MGMT: variants seen among roughly 807,000 people sequenced by gnomAD.
MGMT encodes the protein O-6-methylguanine-DNA methyltransferase.
In MGMT, 14 loss-of-function variants were observed where a neutral mutation model predicts 15.9. That is an observed-to-expected ratio of 0.88 (90% CI 0.58 to 1.37). The LOEUF (loss-of-function observed/expected upper bound fraction) is 1.37, where lower values mean the gene tolerates loss of function less well. Among genes scored for constraint, MGMT ranks in the 40% most tolerant of loss-of-function variants. The pLI, the probability that MGMT is intolerant of heterozygous loss-of-function variation, is 0.00. For synonymous variants in MGMT, 130 were observed against 118.2 expected (o/e 1.10, Z -0.65); for missense variants, 282 against 268.1 (o/e 1.05, Z -0.36).
chr10:129,517,049 G>A (rs111375520), intron 1 of MGMT, among the ~76,000 whole-genome samples: 8 of 152,208 alleles, frequency 5.3e-5, no homozygotes, highest in East Asian at 1.9e-4. Context: ...AGCTGTCTGC[G>A]CATCCGTCCC....
chr10:129,485,497 G>A (rs992382301), intron 1 of MGMT, among the ~76,000 whole-genome samples: 1 of 152,138 alleles, frequency 6.6e-6, no homozygotes, highest in Non-Finnish European at 1.5e-5. Context: ...TAAAAGTTGA[G>A]CACCCCTAAT....
chr10:129,671,175 T>C (rs914734999), intron 2 of MGMT, among the ~76,000 whole-genome samples: 2 of 152,234 alleles, frequency 1.3e-5, no homozygotes, highest in Admixed American at 6.5e-5. Flanking sequence ...AAATACATTA[T>C]GTTTGGAAAG....
chr10:129,479,674 A>C (rs1037561645), intron 1 of MGMT, among the ~76,000 whole-genome samples: 2 of 152,124 alleles, frequency 1.3e-5, no homozygotes, highest in Non-Finnish European at 2.9e-5. Flanking sequence ...AGGGCAGACA[A>C]GAACCCTCAT....
At chr10:129,517,934 G>A (rs1202921355) in intron 1 of MGMT, among the ~76,000 whole-genome samples, 2 of 152,296 alleles carry the variant, frequency 1.3e-5, no homozygotes, top group Admixed American at 6.5e-5. Flanking sequence ...TTTGTCACCC[G>A]CAGTGAGAAT....
intron 3 of MGMT, among the ~76,000 whole-genome samples, chr10:129,709,090 C>T (rs2083739469): frequency 6.6e-6 from 1 of 152,212 alleles, no homozygotes; most frequent in East Asian, 1.9e-4. Flanking sequence ...GAACCAGGCA[C>T]CTTGCTGTCC....
At chr10:129,732,912 A>G (rs1411722606) in intron 3 of MGMT, among the ~76,000 whole-genome samples, 1 of 148,532 alleles carries the variant, frequency 6.7e-6, no homozygotes, top group African/African-American at 2.5e-5. Flanking sequence ...GCTGCATAGT[A>G]TTCCATGGTG....
At chr10:129,499,017 C>G (rs1293257918) in intron 1 of MGMT, among the ~76,000 whole-genome samples, 2 of 152,262 alleles carry the variant, frequency 1.3e-5, no homozygotes, top group Non-Finnish European at 2.9e-5. Context: ...TTATTCTAAT[C>G]TCTGCCTTTC....
intron 1 of MGMT, among the ~76,000 whole-genome samples, chr10:129,494,700 A>T (rs1440789159): frequency 6.6e-6 from 1 of 152,242 alleles, no homozygotes; most frequent in Non-Finnish European, 1.5e-5. Flanking sequence ...AAGTAGCCAC[A>T]TGTGGCTAAC....
At chr10:129,619,449 G>A (rs1277177337) in intron 2 of MGMT, among the ~76,000 whole-genome samples, 4 of 152,214 alleles carry the variant, frequency 2.6e-5, no homozygotes, top group East Asian at 3.9e-4. Flanking sequence ...CGGGATACTG[G>A]TCTGCAGTTT....
At chr10:129,539,334 G>A (rs1028447727) in intron 2 of MGMT, among the ~76,000 whole-genome samples, 2 of 151,922 alleles carry the variant, frequency 1.3e-5, no homozygotes, top group Non-Finnish European at 2.9e-5. Context: ...AGTTGTTTTA[G>A]CATCATTTGT....
intron 3 of MGMT, among the ~76,000 whole-genome samples, chr10:129,747,501 T>C (rs867209871): frequency 2.0e-5 from 3 of 152,216 alleles, no homozygotes; most frequent in Non-Finnish European, 4.4e-5. Flanking sequence ...ATAGCCTTTG[T>C]TTTTAGAATA....
chr10:129,604,617 G>A (rs954602624), intron 2 of MGMT, among the ~76,000 whole-genome samples: 1 of 152,162 alleles, frequency 6.6e-6, no homozygotes, highest in African/African-American at 2.4e-5. Flanking sequence ...CACTCTCTTG[G>A]TGTGGGTAGT....
chr10:129,661,355 C>T (rs1847595472), intron 2 of MGMT, among the ~76,000 whole-genome samples: 1 of 152,150 alleles, frequency 6.6e-6, no homozygotes, highest in Admixed American at 6.5e-5. Context: ...TTCACGGATG[C>T]AGCCCAGACC....
chr10:129,634,233 G>C (rs1184586763), intron 2 of MGMT, among the ~76,000 whole-genome samples: 3 of 152,016 alleles, frequency 2.0e-5, no homozygotes, highest in Admixed American at 2.0e-4. Flanking sequence ...ATCTTTTTGT[G>C]CCTCTGTGTG....
At chr10:129,594,929 G>C (rs1319858113) in intron 2 of MGMT, among the ~76,000 whole-genome samples, 1 of 152,178 alleles carries the variant, frequency 6.6e-6, no homozygotes, top group Non-Finnish European at 1.5e-5. Context: ...CCATCAACCT[G>C]CCAGGCTGGA....
intron 3 of MGMT, among the ~76,000 whole-genome samples, chr10:129,714,748 T>C (rs1021856455): frequency 6.6e-6 from 1 of 152,170 alleles, no homozygotes; most frequent in African/African-American, 2.4e-5. Context: ...GTTTGAGACT[T>C]AAAAACTGTG....
intron 2 of MGMT, among the ~76,000 whole-genome samples, chr10:129,588,565 C>T (rs1846644045): frequency 6.6e-6 from 1 of 152,208 alleles, no homozygotes; most frequent in South Asian, 2.1e-4. Flanking sequence ...AATAAGAGCA[C>T]TGTGGCTCGG....
At chr10:129,716,369 T>C (rs1002947526) in intron 3 of MGMT, among the ~76,000 whole-genome samples, 1 of 147,164 alleles carries the variant, frequency 6.8e-6, no homozygotes. Flanking sequence ...CACAAACACA[T>C]ATTGTGTAAG....
At chr10:129,518,403 C>T (rs1339881422) in intron 1 of MGMT, among the ~76,000 whole-genome samples, 1 of 147,822 alleles carries the variant, frequency 6.8e-6, no homozygotes, top group East Asian at 2.1e-4. Flanking sequence ...CAGGTCTGAA[C>T]TGTGTGGATC....
Sources: allele counts gnomAD v4.1 joint callset (sites outside exome capture counted in the v4.1 genomes callset), GRCh38; gene constraint gnomAD v4.1.1; transcripts MANE v1.5; gene names NCBI Gene and HGNC (gene_info 2026-07-23, HGNC 2026-07-21).